PTCD2: variants seen among roughly 807,000 people sequenced by gnomAD.
PTCD2 encodes pentatricopeptide repeat domain 2.
A neutral mutation model predicts 42.6 loss-of-function variants in PTCD2; 31 were observed. The observed-to-expected ratio is 0.73, with a 90% confidence interval of 0.55 to 0.98. The LOEUF is 0.98. Ranked by LOEUF, PTCD2 falls within the 50% of genes least tolerant of loss-of-function variation. The pLI is 0.00. For synonymous variants in PTCD2, 183 were observed against 170.9 expected (o/e 1.07, Z -0.55); for missense variants, 476 against 454.8 (o/e 1.05, Z -0.42).
At chr5:72,331,900 T>TA (rs1751458736) in intron 4 of PTCD2, among the ~76,000 whole-genome samples, 1 of 152,250 alleles carries the variant, frequency 6.6e-6, no homozygotes, top group Admixed American at 6.5e-5. Flanking sequence ...TTAAGTACTT[T>TA]AAATGTTTCA....
Position 72,358,804 on chromosome 5 carries a change from A to G in PTCD2, c.*377A>G. 1 of 235,616 alleles carries G rather than the reference A, an allele frequency of 4.2e-6. No homozygotes were observed. Among genetic ancestry groups the G allele is most frequent in the South Asian group, 7.0e-5 (1 of 14,236 alleles). The allele number at this position is 235,616 out of a possible 1,614,324, so 14.6% of individuals were successfully genotyped here. A position where few individuals can be genotyped will look rare whatever the true frequency, so the allele number is the denominator to read the frequency against. ...AAAGGAGTAGTTACTTGCAAATTAC[A>G]TCCTTGCTGAATTCAGGAGGTATGA... On this transcript the variant is annotated 3_prime_UTR_variant, in exon 10 of 10. Transcript: ENST00000380639.
intron 8 of PTCD2, among the ~76,000 whole-genome samples, chr5:72,346,073 A>G (rs1185456838): frequency 1.3e-5 from 2 of 152,228 alleles, no homozygotes; most frequent in African/African-American, 4.8e-5. Context: ...GAAGTGTGCA[A>G]TAAGAATTCC....
intron 2 of PTCD2, among the ~76,000 whole-genome samples, chr5:72,322,623 T>C: frequency 6.6e-6 from 1 of 152,248 alleles, no homozygotes; most frequent in East Asian, 1.9e-4. Flanking sequence ...ATCATTCATA[T>C]GCACAATAAA....
intron 2 of PTCD2, among the ~76,000 whole-genome samples, chr5:72,324,991 C>T (rs1395402279): frequency 5.3e-5 from 8 of 151,728 alleles, no homozygotes; most frequent in African/African-American, 1.9e-4. Context: ...GGCATGATCT[C>T]GGCTCATTGC....
intron 6 of PTCD2, among the ~76,000 whole-genome samples, chr5:72,336,493 A>G (rs994588414): frequency 6.6e-6 from 1 of 152,162 alleles, no homozygotes; most frequent in Non-Finnish European, 1.5e-5. Flanking sequence ...TAATAAACGT[A>G]TGTGACATGA....
chr5:72,358,981 T>C lies in PTCD2; in HGVS notation c.*554T>C, dbSNP rs1303698243. 1.3e-5 allele frequency: 2 copies of C among 153,072 alleles called. No individual in the cohort carries two copies. Among genetic ancestry groups the C allele is most frequent in the East Asian group, 1.9e-4 (1 of 5,202 alleles). The allele number at this position is 153,072 out of a possible 1,614,324, so 9.5% of individuals were successfully genotyped here. A position where few individuals can be genotyped will look rare whatever the true frequency, so the allele number is the denominator to read the frequency against. On this transcript the variant is annotated 3_prime_UTR_variant, in exon 10 of 10. Coordinates refer to ENST00000380639, the MANE Select transcript of PTCD2 (RefSeq NM_024754.5). ...AGATTTGAAATCTTCATTCAAGGTTTAGTAGGATCATATTTTCTCAAAAAT... is the reference window on the plus strand; with the variant it reads ...AGATTTGAAATCTTCATTCAAGGTTCAGTAGGATCATATTTTCTCAAAAAT...
At chr5:72,351,641 C>CAGCAGGAA (rs1237258084) in intron 8 of PTCD2, among the ~76,000 whole-genome samples, 2 of 152,154 alleles carry the variant, frequency 1.3e-5, no homozygotes, top group South Asian at 2.1e-4. Context: ...CTTCACAAGG[C>CAGCAGGAA]AGCAGGAAAG....
chr5:72,366,688 T>C lies in PTCD2; in HGVS notation c.*8261T>C, dbSNP rs935065618. 1 of 152,212 alleles carries C rather than the reference T, an allele frequency of 6.6e-6. No homozygotes were observed. Among genetic ancestry groups the C allele is most frequent in the Non-Finnish European group, 1.5e-5 (1 of 68,038 alleles). The allele number at this position is 152,212 out of a possible 1,614,324, so 9.4% of individuals were successfully genotyped here. A position where few individuals can be genotyped will look rare whatever the true frequency, so the allele number is the denominator to read the frequency against. On this transcript the variant is annotated 3_prime_UTR_variant, in exon 10 of 10. Transcript: ENST00000380639. ...AGCTGTAGATAGACTTTAGGGAGTA[T>C]ATAGAATATTGCCTTCACGCAGGTT...
chr5:72,351,072 A>G (rs1166071081), intron 8 of PTCD2, among the ~76,000 whole-genome samples: 2 of 152,240 alleles, frequency 1.3e-5, no homozygotes, highest in Non-Finnish European at 2.9e-5. Context: ...GTAATTGACC[A>G]AAAGTAGAAT....
chr5:72,358,263 A>C lies in PTCD2; in HGVS notation c.1003A>C (p.Ile335Leu). The C allele has an allele frequency of 6.2e-7, 1 of 1,614,048 alleles. No homozygotes were observed. Among genetic ancestry groups the C allele is most frequent in the Non-Finnish European group, 8.5e-7 (1 of 1,179,998 alleles). The change falls in exon 10 of 10, where the codon ATC becomes CTC. Residue 335 changes from isoleucine to leucine, a missense_variant. Coordinates refer to ENST00000380639, the MANE Select transcript of PTCD2 (RefSeq NM_024754.5). ...TGCCCTTGTGGCCAAATTTGATGAG[A>C]TCTATGGGACACTGCACATCACTGG... ...VPALVAKFDE[I>L]YGTLHITGQV...
At position 72,360,488 on chromosome 5, in the gene PTCD2, G is replaced by A. The variant is rs1185109358; in HGVS notation, c.*2061G>A. On this transcript the variant is annotated 3_prime_UTR_variant, in exon 10 of 10. Transcript: ENST00000380639. ...ATTCCACCTGTTCCCAGAAACCTCA[G>A]TACAGAGGTAGCTATATGCATAATG... The A allele has an allele frequency of 1.3e-5, 2 of 152,082 alleles. No homozygotes were observed. The highest frequency in any genetic ancestry group is 2.9e-5 in the Non-Finnish European group (2 of 68,034). The allele number at this position is 152,082 out of a possible 1,614,324, so 9.4% of individuals were successfully genotyped here.
Position 72,366,230 on chromosome 5 carries a change from A to G in PTCD2, c.*7803A>G, listed in dbSNP as rs1403728495. On this transcript the variant is annotated 3_prime_UTR_variant, in exon 10 of 10. Transcript: ENST00000380639. ...AAACTATGTTTCAAATAATAATAAT[A>G]ATAATAAGACTTACCATTTGCCAGG... 6.6e-6 allele frequency: 1 copy of G among 152,156 alleles called. No homozygotes were observed. The highest frequency in any genetic ancestry group is 6.5e-5 in the Admixed American group (1 of 15,284). 9.4% of individuals were successfully genotyped at this position (152,156 alleles called of 1,614,324 possible). A position where few individuals can be genotyped will look rare whatever the true frequency, so the allele number is the denominator to read the frequency against.
At position 72,361,155 on chromosome 5, in the gene PTCD2, T is replaced by G. The variant is rs1200192204; in HGVS notation, c.*2728T>G. 6.6e-6 allele frequency: 1 copy of G among 152,172 alleles called. No homozygotes were observed. The highest frequency in any genetic ancestry group is 6.5e-5 in the Admixed American group (1 of 15,290). The allele number at this position is 152,172 out of a possible 1,614,324, so 9.4% of individuals were successfully genotyped here. A position where few individuals can be genotyped will look rare whatever the true frequency, so the allele number is the denominator to read the frequency against. On this transcript the variant is annotated 3_prime_UTR_variant, in exon 10 of 10. Coordinates refer to ENST00000380639, the MANE Select transcript of PTCD2 (RefSeq NM_024754.5). ...GTTACTAGAAGGAGACAAAAAGATA[T>G]CTTCTTAATTAGGTGATATCAGGGA...
intron 3 of PTCD2, among the ~76,000 whole-genome samples, chr5:72,329,078 A>G (rs922645908): frequency 6.6e-6 from 1 of 152,262 alleles, no homozygotes; most frequent in African/African-American, 2.4e-5. Context: ...TTTACTACAC[A>G]AAGCTATTCA....
In PTCD2 at chr5:72,352,671, G is replaced by A; in HGVS notation, c.859G>A (p.Glu287Lys). ...IIIHIQSNMLENLIKTLKNAA... is the reference protein window; with the variant it reads ...IIIHIQSNMLKNLIKTLKNAA... ...AATCCATATCCAGTCAAATATGTTG[G>A]AAAACCTGATAAAGACTCTAAAAAA... The change falls in exon 9 of 10, where the codon GAA (glutamate) becomes AAA (lysine). Residue 287 changes from glutamate (E) to lysine (K), a missense_variant. Coordinates refer to ENST00000380639, the MANE Select transcript of PTCD2 (RefSeq NM_024754.5). 1 of 1,593,254 alleles carries A rather than the reference G, an allele frequency of 6.3e-7. No homozygotes were observed. The highest frequency in any genetic ancestry group is 1.1e-5 in the South Asian group (1 of 90,384).
In PTCD2 at chr5:72,366,708, C is replaced by G. The variant is rs958961980; in HGVS notation, c.*8281C>G. 1 of 152,174 alleles carries G rather than the reference C, an allele frequency of 6.6e-6. No homozygotes were observed. The highest frequency in any genetic ancestry group is 1.5e-5 in the Non-Finnish European group (1 of 68,042). The allele number at this position is 152,174 out of a possible 1,614,324, so 9.4% of individuals were successfully genotyped here. ...GAGTATATAGAATATTGCCTTCACGCAGGTTAAGAAATATTTAGTGTTGAA... is the reference window on the plus strand; with the variant it reads ...GAGTATATAGAATATTGCCTTCACGGAGGTTAAGAAATATTTAGTGTTGAA... On this transcript the variant is annotated 3_prime_UTR_variant, in exon 10 of 10. Coordinates refer to ENST00000380639, the MANE Select transcript of PTCD2 (RefSeq NM_024754.5).
chr5:72,320,757 C>A, intron 1 of PTCD2: 1 of 487,184 alleles, frequency 2.1e-6, no homozygotes, highest in South Asian at 3.0e-5. Context: ...TCAGATGGGG[C>A]GACGTTCGTC....
chr5:72,320,761 G>T, intron 1 of PTCD2: 2 of 495,276 alleles, frequency 4.0e-6, no homozygotes, highest in East Asian at 3.4e-5. Context: ...ATGGGGCGAC[G>T]TTCGTCTTCA....
At chr5:72,331,189 G>T (rs1465536594) in intron 3 of PTCD2, 69 bp from the exon 4 acceptor site, 1 of 982,030 alleles carries the variant, frequency 1.0e-6, no homozygotes, top group African/African-American at 1.6e-5. Flanking sequence ...CACAGTACCT[G>T]CCATAGTCTG....
Sources: allele counts gnomAD v4.1 joint callset (sites outside exome capture counted in the v4.1 genomes callset), GRCh38; gene constraint gnomAD v4.1.1; transcripts MANE v1.5; gene names NCBI Gene and HGNC (gene_info 2026-07-23, HGNC 2026-07-21).